Variants in LAMA2 observed in about 807,000 individuals in gnomAD.
LAMA2 encodes laminin subunit alpha-2.
LAMA2 carries 269 observed loss-of-function variants against 364.8 expected under a neutral mutation model. The ratio of observed to expected loss-of-function variants is 0.74; its 90% CI spans 0.67 to 0.82. LAMA2 has a LOEUF of 0.82. Ranked by LOEUF, LAMA2 falls within the 40% of genes least tolerant of loss-of-function variation. The probability of loss-of-function intolerance (pLI) is 0.00; values close to 1 mark genes in which losing one functional copy is unlikely to be tolerated. For missense variants in LAMA2, 3,807 were observed against 3,873.2 expected, an observed-to-expected ratio of 0.98 and a Z score of 0.45; for synonymous variants, 1,379 against 1,370.6, an observed-to-expected ratio of 1.01 and a Z score of -0.14.
chr6:129,275,534 G>C (rs988244109), intron 17 of LAMA2, among the ~76,000 whole-genome samples: 1 of 151,888 alleles, frequency 6.6e-6, no homozygotes, highest in Middle Eastern at 3.2e-3. Context: ...AATGTTCACT[G>C]TAAAAATCAG....
chr6:129,157,359 T>A (rs929020202), intron 8 of LAMA2, among the ~76,000 whole-genome samples: 1 of 152,212 alleles, frequency 6.6e-6, no homozygotes, highest in African/African-American at 2.4e-5. Flanking sequence ...CCAGCTTGTA[T>A]CCTAATAAGA....
intron 30 of LAMA2, among the ~76,000 whole-genome samples, chr6:129,347,640 A>G (rs1024674410): frequency 7.9e-5 from 12 of 152,188 alleles, no homozygotes; most frequent in Admixed American, 7.9e-4. Context: ...ATTAGCAGCC[A>G]TAGGGAAATG....
intron 38 of LAMA2, among the ~76,000 whole-genome samples, chr6:129,401,822 G>A (rs1035277376): frequency 7.1e-6 from 1 of 141,252 alleles, no homozygotes; most frequent in Non-Finnish European, 1.5e-5. Flanking sequence ...GTCTAAGTTG[G>A]TTTCTTAAAT....
At chr6:129,421,570 G>A (rs1781075422) in intron 40 of LAMA2, among the ~76,000 whole-genome samples, 1 of 152,050 alleles carries the variant, frequency 6.6e-6, no homozygotes, top group Non-Finnish European at 1.5e-5. Context: ...TTGTTGATGT[G>A]CTTCAATAAC....
At chr6:129,369,547 T>G (rs1777954790) in intron 33 of LAMA2, among the ~76,000 whole-genome samples, 1 of 152,184 alleles carries the variant, frequency 6.6e-6, no homozygotes, top group South Asian at 2.1e-4. Context: ...CCTTACTGAC[T>G]GTGTGATCTC....
chr6:129,071,330 T>C (rs1582987351), intron 3 of LAMA2, among the ~76,000 whole-genome samples: 2 of 152,164 alleles, frequency 1.3e-5, no homozygotes, highest in East Asian at 3.8e-4. Context: ...GTCTTCATAA[T>C]TTCATTAGTC....
chr6:129,383,345 G>C lies in LAMA2; in HGVS notation c.5071+112G>C. Reference sequence around the variant, plus strand: ...TATAAGTGACATCTGTAAAATCAAAGGTAGAGTTTCAAAAAGTAGTGTGGT... The same window carrying C: ...TATAAGTGACATCTGTAAAATCAAACGTAGAGTTTCAAAAAGTAGTGTGGT... On this transcript the variant is annotated intron_variant, in intron 35 of 64. Transcript: ENST00000421865. 4.6e-6 allele frequency: 4 copies of C among 878,318 alleles called. No individual in the cohort carries two copies. In the South Asian group the frequency reaches 5.7e-5, roughly 12 times the overall value. The allele number at this position is 878,318 out of a possible 1,614,324, so 54.4% of individuals were successfully genotyped here. A position where few individuals can be genotyped will look rare whatever the true frequency, so the allele number is the denominator to read the frequency against.
chr6:129,058,341 T>C (rs1056820729), intron 2 of LAMA2, among the ~76,000 whole-genome samples: 6 of 152,322 alleles, frequency 3.9e-5, no homozygotes, highest in African/African-American at 1.4e-4. Flanking sequence ...GATGAGAAAC[T>C]GTGAGCTTTG....
At chr6:129,049,755 G>A (rs951237084) in intron 1 of LAMA2, among the ~76,000 whole-genome samples, 163 bp from the exon 2 acceptor site, 2 of 152,058 alleles carry the variant, frequency 1.3e-5, no homozygotes, top group African/African-American at 4.8e-5. Context: ...ATAACACATA[G>A]TATTTATGTA....
intron 1 of LAMA2, among the ~76,000 whole-genome samples, chr6:128,950,885 C>T (rs1780773916): frequency 9.9e-5 from 15 of 151,922 alleles, no homozygotes; most frequent in Admixed American, 9.8e-4. Flanking sequence ...GTCCCTGGTA[C>T]CAAATAAGCA....
intron 32 of LAMA2, among the ~76,000 whole-genome samples, chr6:129,363,146 G>A (rs999004337): frequency 1.3e-5 from 2 of 151,940 alleles, no homozygotes; most frequent in African/African-American, 4.8e-5. Context: ...CCATCTCTAT[G>A]TTAAAAAACT....
chr6:128,927,975 T>G (rs78595278), intron 1 of LAMA2, among the ~76,000 whole-genome samples: 1 of 152,338 alleles, frequency 6.6e-6, no homozygotes, highest in Non-Finnish European at 1.5e-5. Context: ...AACTTTCCTC[T>G]CTGTAAAGTA....
At chr6:129,385,657 A>G (rs1288608047) in intron 35 of LAMA2, among the ~76,000 whole-genome samples, 1 of 152,170 alleles carries the variant, frequency 6.6e-6, no homozygotes, top group Non-Finnish European at 1.5e-5. Context: ...ATTTTATAAT[A>G]TCTACCGTGC....
intron 55 of LAMA2, among the ~76,000 whole-genome samples, chr6:129,483,145 T>G (rs576304672): frequency 1.7e-4 from 26 of 151,612 alleles, no homozygotes; most frequent in African/African-American, 6.3e-4. Context: ...TAAAAACATT[T>G]GGTAAAATTT....
At chr6:129,183,434 T>G (rs761939534) in intron 10 of LAMA2, among the ~76,000 whole-genome samples, 1 of 152,082 alleles carries the variant, frequency 6.6e-6, no homozygotes, top group Non-Finnish European at 1.5e-5. Flanking sequence ...GTCTGTATTT[T>G]CATCTTGTTT....
At chr6:129,038,367 CAT>C (rs1441702911) in intron 1 of LAMA2, among the ~76,000 whole-genome samples, 3 of 152,178 alleles carry the variant, frequency 2.0e-5, no homozygotes, top group Non-Finnish European at 2.9e-5. Context: ...GTGTACATAA[CAT>C]GTGATATTTA....
chr6:129,481,296 T>G lies in LAMA2; in HGVS notation c.7606T>G (p.Phe2536Val). 1 of 1,613,870 alleles carries G rather than the reference T, an allele frequency of 6.2e-7. No homozygotes were observed. The highest frequency in any genetic ancestry group is 8.5e-7 in the Non-Finnish European group (1 of 1,179,844). Reference protein sequence around the residue: ...VYTVSFPKPGFVELSPVPIDV... With the variant: ...VYTVSFPKPGVVELSPVPIDV... ...CACAGTTAGCTTTCCTAAGCCTGGT[T>G]TTGTGGAGCTCTCCCCTGTGCCAAT... The change falls in exon 55 of 65, where the codon TTT becomes GTT. Residue 2536 changes from phenylalanine to valine, a missense_variant. By Grantham distance (50) the Phe-to-Val change is conservative (BLOSUM62 -1). Around this residue, in one of 3 missense-constraint regions of LAMA2, gnomAD observed 3,333 missense variants for 3,345.7 expected, o/e 1.00. Transcript: ENST00000421865.
chr6:128,906,266 T>A (rs1777462535), intron 1 of LAMA2, among the ~76,000 whole-genome samples: 1 of 116,780 alleles, frequency 8.6e-6, no homozygotes. Context: ...GTAAAAGTGT[T>A]CCTATTTCTC....
intron 12 of LAMA2, among the ~76,000 whole-genome samples, chr6:129,213,629 T>C (rs1783240672): frequency 6.6e-6 from 1 of 152,236 alleles, no homozygotes. Flanking sequence ...TGATGTAAGA[T>C]GATGAGCATG....
Sources: allele counts gnomAD v4.1 joint callset (sites outside exome capture counted in the v4.1 genomes callset), GRCh38; gene constraint gnomAD v4.1.1; regional missense constraint gnomAD v4.1.1; transcripts MANE v1.5; gene names NCBI Gene and HGNC (gene_info 2026-07-23, HGNC 2026-07-21).